CDCA7L: variants seen among roughly 807,000 people sequenced by gnomAD.
CDCA7L encodes cell division cycle-associated 7-like protein.
CDCA7L carries 44 observed loss-of-function variants against 57.4 expected under a neutral mutation model. The ratio of observed to expected loss-of-function variants is 0.77; its 90% CI spans 0.60 to 0.98. CDCA7L has a LOEUF of 0.98. CDCA7L is among the 50% of genes least tolerant of loss of function. The pLI is 0.00. For synonymous variants in CDCA7L, 236 were observed against 202.8 expected (o/e 1.16, Z -1.39); for missense variants, 644 against 580.6 (o/e 1.11, Z -1.12).
intron 1 of CDCA7L, among the ~76,000 whole-genome samples, chr7:21,940,983 T>C (rs1256665995): frequency 6.6e-6 from 1 of 152,222 alleles, no homozygotes; most frequent in African/African-American, 2.4e-5. Flanking sequence ...ATAAGCTTGG[T>C]TCTAACCTCA....
intron 1 of CDCA7L, among the ~76,000 whole-genome samples, chr7:21,918,133 T>G (rs563860001): frequency 1.3e-5 from 2 of 152,348 alleles, no homozygotes; most frequent in East Asian, 3.9e-4. Flanking sequence ...TACTCCTCAA[T>G]GCATTGCATA....
chr7:21,908,899 C>T (rs538355215), intron 3 of CDCA7L, among the ~76,000 whole-genome samples: 6 of 152,266 alleles, frequency 3.9e-5, no homozygotes, highest in African/African-American at 9.6e-5. Flanking sequence ...CAGGAAAGGA[C>T]GCAACGGGGG....
chr7:21,944,934 G>A (rs1197667730), intron 1 of CDCA7L: 1 of 151,428 alleles, frequency 6.6e-6, no homozygotes, highest in African/African-American at 2.4e-5. Flanking sequence ...AAGCAGAGGC[G>A]TGGCTGCTTG....
At chr7:21,928,385 G>A (rs1451536012) in intron 1 of CDCA7L, among the ~76,000 whole-genome samples, 6 of 152,010 alleles carry the variant, frequency 3.9e-5, no homozygotes, top group African/African-American at 1.5e-4. Flanking sequence ...CCAAAAACCA[G>A]AATGCCTCTT....
intron 2 of CDCA7L, among the ~76,000 whole-genome samples, chr7:21,913,914 G>C (rs944563079): frequency 6.6e-6 from 1 of 152,208 alleles, no homozygotes; most frequent in Non-Finnish European, 1.5e-5. Flanking sequence ...ATGTGGGTCT[G>C]TATGATGCCA....
chr7:21,938,173 T>C (rs1290325298), intron 1 of CDCA7L, among the ~76,000 whole-genome samples: 1 of 152,174 alleles, frequency 6.6e-6, no homozygotes, highest in Non-Finnish European at 1.5e-5. Context: ...AAGGGATTAA[T>C]ATCCAAGATA....
Position 21,901,201 on chromosome 7 carries a change from GAGAA to G in CDCA7L, c.*1117_*1120del. 1 of 1,613,918 alleles carries G rather than the reference GAGAA, an allele frequency of 6.2e-7. No individual in the cohort carries two copies. Among genetic ancestry groups the G allele is most frequent in the Non-Finnish European group, 8.5e-7 (1 of 1,179,832 alleles). ...CTGGACCTTCAGGCTGAAGAGCGAA[GAGAA>G]GACTGCAAAATGGGTTCTGGCTGGA... On this transcript the variant is annotated 3_prime_UTR_variant, in exon 10 of 10. Transcript: ENST00000406877.
intron 1 of CDCA7L, among the ~76,000 whole-genome samples, chr7:21,936,158 T>G (rs1786155798): frequency 6.6e-6 from 1 of 152,144 alleles, no homozygotes; most frequent in South Asian, 2.1e-4. Context: ...GATCTGAATA[T>G]ATTTGAAATA....
chr7:21,916,464 G>GC (rs1434626759), intron 2 of CDCA7L, among the ~76,000 whole-genome samples: 2 of 141,504 alleles, frequency 1.4e-5, no homozygotes, highest in Non-Finnish European at 3.0e-5. Context: ...ACAGGTTACA[G>GC]CCCCAAGGCA....
intron 1 of CDCA7L, among the ~76,000 whole-genome samples, chr7:21,923,189 G>C (rs1329051467): frequency 2.0e-5 from 3 of 152,096 alleles, no homozygotes; most frequent in Admixed American, 1.3e-4. Flanking sequence ...AACGAAAAAA[G>C]ACAAGAAAGA....
rs373779507 is a variant in CDCA7L, at chr7:21,908,322, G to T, written c.489C>A (p.Ser163=). The T allele has an allele frequency of 3.1e-6, 5 of 1,608,168 alleles. No individual in the cohort carries two copies. The highest frequency in any genetic ancestry group is 4.2e-6 in the Non-Finnish European group (5 of 1,178,552). Residue 163 remains serine (S), a synonymous_variant, in exon 4 of 10, where the codon TCC becomes TCA. Transcript: ENST00000406877. ...LANKPDKNSS[S]EQLFSSARLQ... ...AGCGTGCGCTAGAAAACAACTGCTC[G>T]GAAGAACTGTTTTTATCTGGTTTGT...
chr7:21,923,578 GAAC>G (rs1562630675), intron 1 of CDCA7L, among the ~76,000 whole-genome samples: 1 of 152,198 alleles, frequency 6.6e-6, no homozygotes, highest in African/African-American at 2.4e-5. Context: ...CAAACTGACA[GAAC>G]AAGTCCAGAC....
intron 1 of CDCA7L, among the ~76,000 whole-genome samples, chr7:21,919,700 C>T (rs1785594309): frequency 6.6e-6 from 1 of 152,112 alleles, no homozygotes; most frequent in African/African-American, 2.4e-5. Context: ...CGTTCCACCA[C>T]AAGGAAAACC....
intron 1 of CDCA7L, among the ~76,000 whole-genome samples, chr7:21,931,839 G>C (rs918732963): frequency 1.3e-5 from 2 of 152,192 alleles, no homozygotes; most frequent in Non-Finnish European, 2.9e-5. Flanking sequence ...GAAATAAAAA[G>C]TATTCAAATA....
intron 1 of CDCA7L, among the ~76,000 whole-genome samples, chr7:21,931,831 A>T (rs1222757286): frequency 6.6e-6 from 1 of 152,234 alleles, no homozygotes; most frequent in Non-Finnish European, 1.5e-5. Context: ...AAGAGAAAGA[A>T]ATAAAAAGTA....
chr7:21,908,536 A>T, intron 3 of CDCA7L, 29 bp from the exon 4 acceptor site: 1 of 1,495,886 alleles, frequency 6.7e-7, no homozygotes, highest in East Asian at 2.4e-5. Flanking sequence ...GAAAAAGCAC[A>T]AAGACACTGT....
intron 8 of CDCA7L, 99 bp from the exon 9 acceptor site, chr7:21,903,213 AC>A: frequency 1.8e-6 from 2 of 1,128,284 alleles, no homozygotes; most frequent in South Asian, 3.1e-5. Flanking sequence ...CTCTCCTCCA[AC>A]CTTTAATCAC....
Position 21,902,370 on chromosome 7 carries a change from A to T in CDCA7L, c.1335-18T>A. ...TTTGTAAGCTGGGAAAAAGATGAGA[A>T]GTATTTGGTAAAGTAGTACAAATAC... On this transcript the variant is annotated intron_variant, in intron 9 of 9. Transcript: ENST00000406877. 6.2e-7 allele frequency: 1 copy of T among 1,612,996 alleles called. No individual in the cohort carries two copies. Among genetic ancestry groups the T allele is most frequent in the Non-Finnish European group, 8.5e-7 (1 of 1,178,994 alleles).
intron 1 of CDCA7L, among the ~76,000 whole-genome samples, chr7:21,924,623 T>C (rs564604309): frequency 9.2e-5 from 14 of 152,296 alleles, no homozygotes; most frequent in Non-Finnish European, 8.8e-5. Context: ...GATCACAAAC[T>C]TGAATATAAA....
Sources: gnomAD v4.1 joint callset for allele counts (sites outside exome capture counted in the v4.1 genomes callset) on GRCh38, gnomAD v4.1.1 for gene constraint, MANE v1.5 for transcripts, NCBI Gene and HGNC (gene_info 2026-07-23, HGNC 2026-07-21) for gene names.